The following CACNA2D1 variants were observed in gnomAD, a reference collection of about 807,000 sequenced individuals.
CACNA2D1 encodes voltage-dependent calcium channel subunit alpha-2/delta-1.
Under a neutral mutation model 171.5 loss-of-function variants are expected in CACNA2D1, and 53 were observed. The observed-to-expected ratio is 0.31, with a 90% CI of 0.25 to 0.39. The LOEUF (loss-of-function observed/expected upper bound fraction) is 0.39. Among genes scored for constraint, CACNA2D1 ranks in the 10% least tolerant of loss-of-function variants. The pLI is 1.00. For missense variants in CACNA2D1, 903 were observed against 1,299.8 expected (o/e 0.69, Z 4.69); for synonymous variants, 442 against 443.1 (o/e 1.00, Z 0.03).
intron 1 of CACNA2D1, among the ~76,000 whole-genome samples, chr7:82,397,896 A>AT (rs1825913658): frequency 6.6e-6 from 1 of 152,194 alleles, no homozygotes; most frequent in African/African-American, 2.4e-5. Flanking sequence ...AATGGCTCTT[A>AT]TTAGACAATA....
chr7:82,301,315 G>A (rs554261943), intron 3 of CACNA2D1, among the ~76,000 whole-genome samples: 5 of 152,068 alleles, frequency 3.3e-5, no homozygotes, highest in Non-Finnish European at 5.9e-5. Flanking sequence ...TAGTAGAGAC[G>A]GGGTTTCTCC....
chr7:82,322,798 C>T (rs1420505474), intron 3 of CACNA2D1, among the ~76,000 whole-genome samples: 13 of 152,084 alleles, frequency 8.5e-5, no homozygotes, highest in Admixed American at 8.5e-4. Flanking sequence ...TTATGAAGAA[C>T]AGATGCAAAG....
chr7:81,999,560 G>T (rs1383206835), intron 18 of CACNA2D1, among the ~76,000 whole-genome samples: 1 of 152,100 alleles, frequency 6.6e-6, no homozygotes, highest in Admixed American at 6.5e-5. Flanking sequence ...CCTTCAAATT[G>T]AGGAGTCTTG....
intron 13 of CACNA2D1, 111 bp downstream of exon 13, chr7:82,014,290 G>A: frequency 1.5e-6 from 1 of 688,104 alleles, no homozygotes. Context: ...ACTCTTGTCT[G>A]ATTCCTATAA....
intron 3 of CACNA2D1, among the ~76,000 whole-genome samples, chr7:82,210,586 T>C (rs559314712): frequency 3.4e-5 from 5 of 146,544 alleles, no homozygotes; most frequent in Non-Finnish European, 6.2e-5. Flanking sequence ...AATTGCACTG[T>C]GTCTGGGTAA....
At chr7:82,202,383 G>A (rs1175671741) in intron 3 of CACNA2D1, among the ~76,000 whole-genome samples, 1 of 152,148 alleles carries the variant, frequency 6.6e-6, no homozygotes, top group Non-Finnish European at 1.5e-5. Context: ...ATACTGAGGA[G>A]AGTGAGCCTT....
intron 3 of CACNA2D1, among the ~76,000 whole-genome samples, chr7:82,268,973 T>C (rs902374151): frequency 6.6e-6 from 1 of 152,190 alleles, no homozygotes; most frequent in Non-Finnish European, 1.5e-5. Flanking sequence ...GAAAAATTGA[T>C]AGGAAATGCA....
At chr7:82,014,038 CCACT>C (rs1204104215) in intron 13 of CACNA2D1, among the ~76,000 whole-genome samples, 2 of 151,860 alleles carry the variant, frequency 1.3e-5, no homozygotes, top group African/African-American at 4.8e-5. Context: ...AGTAATTAAA[CCACT>C]CAGAGAAAAA....
chr7:82,157,658 T>C (rs1334213631), intron 4 of CACNA2D1, among the ~76,000 whole-genome samples: 5 of 152,004 alleles, frequency 3.3e-5, no homozygotes, highest in Admixed American at 6.6e-5. Flanking sequence ...GCTTACGTTA[T>C]CTTGAATATA....
At chr7:82,408,105 C>T (rs1827255319) in intron 1 of CACNA2D1, among the ~76,000 whole-genome samples, 1 of 151,298 alleles carries the variant, frequency 6.6e-6, no homozygotes, top group African/African-American at 2.4e-5. Context: ...ACTGCAACCT[C>T]CGCCTCCCAG....
intron 3 of CACNA2D1, among the ~76,000 whole-genome samples, chr7:82,293,194 A>G (rs749604149): frequency 6.6e-6 from 1 of 152,020 alleles, no homozygotes; most frequent in Non-Finnish European, 1.5e-5. Flanking sequence ...TGTTTTACAC[A>G]TGAAAGATCT....
At chr7:82,281,538 G>A (rs1810099188) in intron 3 of CACNA2D1, among the ~76,000 whole-genome samples, 1 of 152,098 alleles carries the variant, frequency 6.6e-6, no homozygotes, top group African/African-American at 2.4e-5. Flanking sequence ...GTTTCACATA[G>A]ATTAAAAAGC....
At position 82,170,532 on chromosome 7, in the gene CACNA2D1, G is replaced by T; in HGVS notation, c.354+18C>A. ...TATGTCAAGCTATTTAAATCAAGTAGTTAAAAGGGGTTCTTACTGCAAAAT... is the reference window on the plus strand; with the variant it reads ...TATGTCAAGCTATTTAAATCAAGTATTTAAAAGGGGTTCTTACTGCAAAAT... On this transcript the variant is annotated intron_variant, in intron 4 of 38. Coordinates refer to ENST00000356860, the MANE Select transcript of CACNA2D1 (RefSeq NM_000722.4). 1 of 1,595,562 alleles carries T rather than the reference G, an allele frequency of 6.3e-7. No homozygotes were observed. The highest frequency in any genetic ancestry group is 8.6e-7 in the Non-Finnish European group (1 of 1,163,508).
chr7:81,961,477 A>ATATAGAAAAATAAATAATAT (rs1378476870), intron 36 of CACNA2D1, among the ~76,000 whole-genome samples: 1 of 151,762 alleles, frequency 6.6e-6, no homozygotes, highest in Non-Finnish European at 1.5e-5. Flanking sequence ...TTTAGTTACT[A>ATATAGAAAAATAAATAATAT]TATAGAAAAA....
At chr7:82,139,216 G>A (rs775595460) in intron 4 of CACNA2D1, among the ~76,000 whole-genome samples, 45 of 151,946 alleles carry the variant, frequency 3.0e-4, no homozygotes, top group Non-Finnish European at 5.7e-4. Flanking sequence ...CATGGTACTA[G>A]AATTAATGAT....
At chr7:82,425,540 A>AT (rs796114518) in intron 1 of CACNA2D1, among the ~76,000 whole-genome samples, 11,408 of 142,220 alleles carry the variant, frequency 0.08, 908 homozygotes, top group African/African-American at 0.21. Flanking sequence ...ATGAGATTCA[A>AT]TTTTTTTTTT....
chr7:82,088,794 T>C (rs1810790803), intron 6 of CACNA2D1, among the ~76,000 whole-genome samples: 1 of 152,134 alleles, frequency 6.6e-6, no homozygotes, highest in Non-Finnish European at 1.5e-5. Context: ...ATATATTCTA[T>C]GATCTTTTTG....
At chr7:82,136,353 G>T (rs1455233917) in intron 5 of CACNA2D1, among the ~76,000 whole-genome samples, 1 of 152,132 alleles carries the variant, frequency 6.6e-6, no homozygotes, top group Non-Finnish European at 1.5e-5. Flanking sequence ...ATTGCTAATG[G>T]AGTCCAGAGT....
At chr7:82,395,276 A>G (rs1367568503) in intron 1 of CACNA2D1, among the ~76,000 whole-genome samples, 1 of 152,168 alleles carries the variant, frequency 6.6e-6, no homozygotes, top group Non-Finnish European at 1.5e-5. Flanking sequence ...AGAGAAGTAA[A>G]AGATATTTTC....
Sources: allele counts gnomAD v4.1 joint callset (sites outside exome capture counted in the v4.1 genomes callset), GRCh38; gene constraint gnomAD v4.1.1; transcripts MANE v1.5; gene names NCBI Gene and HGNC (gene_info 2026-07-23, HGNC 2026-07-21).